The following NRG1 variants were observed in gnomAD, a reference collection of about 807,000 sequenced individuals.
NRG1 encodes the protein neuregulin 1, also known as pro-neuregulin-1, membrane-bound isoform.
In NRG1, 18 loss-of-function variants were observed where a neutral mutation model predicts 63.8. The ratio of observed to expected loss-of-function variants is 0.28; its 90% CI spans 0.19 to 0.42. The LOEUF is 0.42. NRG1 is among the 10% of genes least tolerant of loss of function. NRG1 has a pLI of 1.00. For missense variants in NRG1, 762 were observed against 814.7 expected (o/e 0.94, Z 0.79); for synonymous variants, 302 against 301.3 (o/e 1.00, Z -0.02).
intron 1 of NRG1, among the ~76,000 whole-genome samples, chr8:32,130,945 A>G (rs1031485961): frequency 6.6e-6 from 1 of 152,044 alleles, no homozygotes; most frequent in Non-Finnish European, 1.5e-5. Flanking sequence ...TTTAAAGTCT[A>G]AATTAGAGCC....
intron 1 of NRG1, among the ~76,000 whole-genome samples, chr8:32,383,786 A>C (rs770339140): frequency 3.9e-5 from 6 of 152,246 alleles, no homozygotes; most frequent in Admixed American, 6.5e-5. Context: ...AGTGCAGACT[A>C]GAGGAAAGAT....
At chr8:32,374,081 G>T (rs55973232) in intron 1 of NRG1, among the ~76,000 whole-genome samples, 17,407 of 152,086 alleles carry the variant, frequency 0.11, 1,588 homozygotes, top group East Asian at 0.56. Context: ...TAAAAGAAAG[G>T]TTGAAACTTC....
chr8:32,683,305 A>G (rs778008398), intron 5 of NRG1, among the ~76,000 whole-genome samples: 2 of 152,224 alleles, frequency 1.3e-5, no homozygotes, highest in Non-Finnish European at 2.9e-5. Flanking sequence ...CACGGGCTAT[A>G]GTACTGTCAG....
chr8:31,663,135 C>A (rs1303317971), intron 1 of NRG1, among the ~76,000 whole-genome samples: 1 of 152,178 alleles, frequency 6.6e-6, no homozygotes, highest in Non-Finnish European at 1.5e-5. Context: ...TTCTGAGAAG[C>A]TCCCTGAGAC....
At chr8:31,933,648 G>A (rs909854073) in intron 1 of NRG1, among the ~76,000 whole-genome samples, 3 of 152,162 alleles carry the variant, frequency 2.0e-5, no homozygotes, top group Non-Finnish European at 4.4e-5. Context: ...AGATCAGAAA[G>A]CTAGAAAGTC....
chr8:32,326,307 CTTTTTT>C (rs745434807), intron 1 of NRG1, among the ~76,000 whole-genome samples: 2 of 101,412 alleles, frequency 2.0e-5, no homozygotes, highest in South Asian at 3.3e-4. Flanking sequence ...TGTGCCCAGG[CTTTTTT>C]TTTTTTTTTT....
At chr8:32,280,384 T>C (rs1852573567) in intron 1 of NRG1, among the ~76,000 whole-genome samples, 2 of 152,270 alleles carry the variant, frequency 1.3e-5, no homozygotes, top group Admixed American at 6.5e-5. Flanking sequence ...GGAATTGCTT[T>C]ACCTGATGCT....
intron 1 of NRG1, among the ~76,000 whole-genome samples, chr8:32,149,953 A>C (rs1394811428): frequency 6.6e-6 from 1 of 152,226 alleles, no homozygotes; most frequent in Non-Finnish European, 1.5e-5. Flanking sequence ...ATTTCATCTA[A>C]TAATGCTGGT....
At chr8:31,666,114 A>G (rs1806514844) in intron 1 of NRG1, among the ~76,000 whole-genome samples, 1 of 152,170 alleles carries the variant, frequency 6.6e-6, no homozygotes, top group Admixed American at 6.5e-5. Flanking sequence ...TTATTGCATT[A>G]ATTACAAACT....
rs16879442 is a variant in NRG1 at position 32,467,026 on chromosome 8, T to C, written c.38-128802T>C. On this transcript the variant is annotated intron_variant, in intron 1 of 10. Transcript: ENST00000519301. ...TTGACTCCCATCACCTTTACTGATATTTAGCTTAGCTTTACAATCCTCCCC... is the reference window on the plus strand; with the variant it reads ...TTGACTCCCATCACCTTTACTGATACTTAGCTTAGCTTTACAATCCTCCCC... Among the ~76,000 whole-genome samples, 8,647 of 152,104 alleles carry C rather than the reference T, an allele frequency of 0.057. 1,171 individuals carry two copies. The East Asian group carries it at 0.62, about 11-fold the overall frequency.
chr8:32,102,494 G>C (rs547076389), intron 1 of NRG1, among the ~76,000 whole-genome samples: 2 of 152,316 alleles, frequency 1.3e-5, no homozygotes, highest in East Asian at 3.9e-4. Flanking sequence ...AAGTGCCACT[G>C]TTTCTGTCCT....
At chr8:32,708,902 T>A (rs1382189664) in intron 5 of NRG1, among the ~76,000 whole-genome samples, 1 of 152,204 alleles carries the variant, frequency 6.6e-6, no homozygotes. Context: ...CTGGTGGATT[T>A]TTATGATGGA....
At chr8:32,042,066 A>C (rs1325248955) in intron 1 of NRG1, among the ~76,000 whole-genome samples, 1 of 152,220 alleles carries the variant, frequency 6.6e-6, no homozygotes, top group Non-Finnish European at 1.5e-5. Flanking sequence ...GATGAAAAAG[A>C]GAAAGCTGGT....
chr8:31,639,611 C>T (rs1803533417), intron 1 of NRG1: 2 of 1,408,526 alleles, frequency 1.4e-6, no homozygotes, highest in Admixed American at 2.6e-5. Context: ...GGAGCAGCTC[C>T]TCCACCTCCA....
intron 1 of NRG1, among the ~76,000 whole-genome samples, chr8:32,091,644 A>G (rs528949906): frequency 6.6e-6 from 1 of 152,296 alleles, no homozygotes; most frequent in Admixed American, 6.5e-5. Flanking sequence ...CTACAAGGGC[A>G]AGACTGGAGT....
At chr8:31,828,713 A>G (rs1215779393) in intron 1 of NRG1, among the ~76,000 whole-genome samples, 3 of 151,960 alleles carry the variant, frequency 2.0e-5, no homozygotes, top group Non-Finnish European at 4.4e-5. Context: ...TTTTCAACTT[A>G]CCCCTTTCCT....
chr8:32,282,984 A>G (rs1008836570), intron 1 of NRG1, among the ~76,000 whole-genome samples: 17 of 152,226 alleles, frequency 1.1e-4, no homozygotes, highest in African/African-American at 3.9e-4. Context: ...TAAATAATGT[A>G]TCAAAGACAT....
intron 1 of NRG1, among the ~76,000 whole-genome samples, chr8:31,815,551 C>G (rs966016702): frequency 6.6e-6 from 1 of 152,148 alleles, no homozygotes; most frequent in Non-Finnish European, 1.5e-5. Flanking sequence ...ATGCTATAAA[C>G]ATGAATGTAC....
chr8:31,942,191 G>T (rs1487275711), intron 1 of NRG1, among the ~76,000 whole-genome samples: 3 of 151,930 alleles, frequency 2.0e-5, no homozygotes, highest in African/African-American at 7.2e-5. Context: ...AAAAATAGGT[G>T]CATAGACCAA....
Sources: allele counts gnomAD v4.1 joint callset (sites outside exome capture counted in the v4.1 genomes callset), GRCh38; gene constraint gnomAD v4.1.1; transcripts MANE v1.5; gene names NCBI Gene and HGNC (gene_info 2026-07-23, HGNC 2026-07-21).